The following ABCD3 variants were observed in gnomAD, a reference collection of about 807,000 sequenced individuals.
ABCD3 encodes ATP binding cassette subfamily D member 3, also known as ATP-binding cassette sub-family D member 3.
ABCD3 carries 41 observed loss-of-function variants against 105.5 expected under a neutral mutation model. The ratio of observed to expected loss-of-function variants is 0.39; its 90% CI spans 0.30 to 0.50. The LOEUF is 0.50. ABCD3 is among the 20% of genes least tolerant of loss of function. ABCD3 has a pLI of 0.84. For synonymous variants in ABCD3, 258 were observed against 269.0 expected (o/e 0.96, Z 0.40); for missense variants, 622 against 806.3 (o/e 0.77, Z 2.77).
the ABCD3 span, among the ~76,000 whole-genome samples, chr1:94,397,286 CTTCAT>C: frequency 6.6e-6 from 1 of 152,166 alleles, no homozygotes; most frequent in Non-Finnish European, 1.5e-5. Context: ...TAACCACAGA[CTTCAT>C]TTCAATTTCC....
At chr1:94,458,285 A>C (rs1391641610) in intron 1 of ABCD3, among the ~76,000 whole-genome samples, 1 of 152,224 alleles carries the variant, frequency 6.6e-6, no homozygotes, top group Non-Finnish European at 1.5e-5. Flanking sequence ...AGCGGTTTAC[A>C]TGGCCAAGCT....
intron 8 of ABCD3, among the ~76,000 whole-genome samples, chr1:94,479,916 T>A (rs1648956472): frequency 6.6e-6 from 1 of 151,960 alleles, no homozygotes; most frequent in Non-Finnish European, 1.5e-5. Context: ...GGAAGCAAGA[T>A]GTACACGCAG....
intron 1 of ABCD3, among the ~76,000 whole-genome samples, chr1:94,420,371 A>G (rs1659212056): frequency 6.6e-6 from 1 of 152,242 alleles, no homozygotes; most frequent in Non-Finnish European, 1.5e-5. Context: ...GATAGAAGTA[A>G]AATAATGTAA....
At chr1:94,508,451 C>T (rs1453993998) in intron 21 of ABCD3, among the ~76,000 whole-genome samples, 1 of 151,836 alleles carries the variant, frequency 6.6e-6, no homozygotes, top group African/African-American at 2.4e-5. Context: ...GTTCTTTTGG[C>T]TTAGGATTGA....
chr1:94,393,583 G>T, the ABCD3 span, among the ~76,000 whole-genome samples: 2 of 152,184 alleles, frequency 1.3e-5, no homozygotes, highest in South Asian at 4.2e-4. Flanking sequence ...AGGTTGCAGT[G>T]AGCTGAGATC....
intron 2 of ABCD3, among the ~76,000 whole-genome samples, chr1:94,463,559 G>T (rs1647982579): frequency 6.6e-6 from 1 of 152,178 alleles, no homozygotes; most frequent in Non-Finnish European, 1.5e-5. Flanking sequence ...CCAGATAAGT[G>T]AGCTGTGATA....
At chr1:94,409,509 C>T in the ABCD3 span, among the ~76,000 whole-genome samples, 1 of 152,180 alleles carries the variant, frequency 6.6e-6, no homozygotes, top group South Asian at 2.1e-4. Context: ...AATTTAGACC[C>T]ACATTGTATT....
intron 1 of ABCD3, among the ~76,000 whole-genome samples, chr1:94,446,259 C>G (rs1660342319): frequency 6.6e-6 from 1 of 152,234 alleles, no homozygotes; most frequent in Non-Finnish European, 1.5e-5. Flanking sequence ...ATGTCTGTCC[C>G]CTGCCACAGC....
the ABCD3 span, among the ~76,000 whole-genome samples, chr1:94,410,564 G>A: frequency 1.3e-5 from 2 of 152,232 alleles, no homozygotes; most frequent in South Asian, 2.1e-4. Flanking sequence ...GAGGTTCAAG[G>A]AAACTAAAAA....
intron 16 of ABCD3, among the ~76,000 whole-genome samples, chr1:94,494,276 A>G (rs1165615890): frequency 2.0e-5 from 3 of 151,976 alleles, no homozygotes; most frequent in Non-Finnish European, 4.4e-5. Context: ...TTATGTCCTT[A>G]CTTGTTGGAG....
intron 1 of ABCD3, among the ~76,000 whole-genome samples, chr1:94,453,618 G>C (rs537696032): frequency 1.3e-5 from 2 of 151,622 alleles, no homozygotes; most frequent in Non-Finnish European, 2.9e-5. Context: ...GCGCCCAGCC[G>C]GAAAATTATA....
upstream of ABCD3, among the ~76,000 whole-genome samples, chr1:94,414,021 A>C (rs983444533): frequency 1.3e-5 from 2 of 152,138 alleles, no homozygotes; most frequent in Non-Finnish European, 2.9e-5. Context: ...GGTAGAAGGA[A>C]TAGGATATTC....
chr1:94,408,293 A>G, the ABCD3 span, among the ~76,000 whole-genome samples: 1 of 152,144 alleles, frequency 6.6e-6, no homozygotes, highest in Admixed American at 6.6e-5. Flanking sequence ...TACTAGAATC[A>G]GAATGCAAGG....
the ABCD3 span, among the ~76,000 whole-genome samples, chr1:94,397,825 C>T: frequency 6.6e-6 from 1 of 152,192 alleles, no homozygotes; most frequent in South Asian, 2.1e-4. Flanking sequence ...AAAATCACCA[C>T]AGCATTTAAT....
At position 94,429,343 on chromosome 1, in the gene ABCD3, C is replaced by A. The variant is rs558950968; in HGVS notation, c.110+10755C>A. 5.3e-5 allele frequency among the ~76,000 whole-genome samples: 8 copies of A among 152,314 alleles called. No individual in the cohort carries two copies. In the East Asian group the frequency reaches 1.5e-3, roughly 29 times the overall value. ...AAAACCCATTTTCTGAGGGGAAATG[C>A]AAGCCAGCTGCAGAAATTTGCATCA... On this transcript the variant is annotated intron_variant, in intron 1 of 22. Coordinates refer to ENST00000370214, the MANE Select transcript of ABCD3 (RefSeq NM_002858.4).
chr1:94,471,456 G>A (rs1570788500), intron 4 of ABCD3, among the ~76,000 whole-genome samples: 3 of 150,182 alleles, frequency 2.0e-5, no homozygotes, highest in Admixed American at 2.0e-4. Flanking sequence ...TACACGGGAG[G>A]CTGAGCAGAA....
At chr1:94,394,442 G>T in the ABCD3 span, among the ~76,000 whole-genome samples, 1 of 152,312 alleles carries the variant, frequency 6.6e-6, no homozygotes, top group African/African-American at 2.4e-5. Flanking sequence ...GTCAGTATCT[G>T]CATACCAGGT....
intron 1 of ABCD3, among the ~76,000 whole-genome samples, chr1:94,439,599 C>G (rs1025194648): frequency 1.3e-5 from 2 of 152,218 alleles, no homozygotes; most frequent in African/African-American, 4.8e-5. Flanking sequence ...CTGCTGCACT[C>G]CAGCCTGGGC....
intron 20 of ABCD3, among the ~76,000 whole-genome samples, chr1:94,503,785 A>T (rs1252444553): frequency 1.3e-5 from 2 of 149,856 alleles, no homozygotes; most frequent in Non-Finnish European, 3.0e-5. Flanking sequence ...TGATTAAAAC[A>T]GTCTCTGCTT....
Sources: gnomAD v4.1 joint callset for allele counts (sites outside exome capture counted in the v4.1 genomes callset) on GRCh38, gnomAD v4.1.1 for gene constraint, MANE v1.5 for transcripts, NCBI Gene and HGNC (gene_info 2026-07-23, HGNC 2026-07-21) for gene names.